The following NHS variants were observed in gnomAD, a reference collection of about 807,000 sequenced individuals.
NHS encodes NHS actin remodeling regulator.
Under a neutral mutation model 72.5 loss-of-function variants are expected in NHS, and 5 were observed. That is an observed-to-expected ratio of 0.07 (90% confidence interval 0.04 to 0.14). The LOEUF is 0.14. NHS is among the 10% of genes least tolerant of loss of function. The probability of loss-of-function intolerance (pLI) is 1.00; values close to 1 mark genes in which losing one functional copy is unlikely to be tolerated. For synonymous variants in NHS, 464 were observed against 547.7 expected, an observed-to-expected ratio of 0.85 and a Z score of 2.13; for missense variants, 1,072 against 1,355.7, an observed-to-expected ratio of 0.79 and a Z score of 3.29.
At chrX:17,720,626 T>G (rs1226960509) in intron 4 of NHS, among the ~76,000 whole-genome samples, 1 of 112,352 alleles carries the variant, frequency 8.9e-6, no homozygotes, top group Non-Finnish European at 1.9e-5. Flanking sequence ...AATATTGATA[T>G]TTATCAAAAG....
intron 1 of NHS, among the ~76,000 whole-genome samples, chrX:17,640,893 T>G (rs1426441879): frequency 1.8e-5 from 2 of 112,327 alleles, no homozygotes; most frequent in Non-Finnish European, 3.8e-5. Flanking sequence ...TACAGGCCCA[T>G]AGTCCCTGCT....
intron 1 of NHS, among the ~76,000 whole-genome samples, chrX:17,434,908 T>C (rs958055790): frequency 9.0e-6 from 1 of 111,498 alleles, no homozygotes; most frequent in Non-Finnish European, 1.9e-5. Context: ...GAGGGCAATG[T>C]GAGGAAAACT....
chrX:17,375,767 G>A lies in NHS; in HGVS notation c.10G>A (p.Ala4Thr). The stretch of plus-strand genomic sequence containing the variant: ...CGCCTGGCTGCGCGGGATGCCTTTC[G>A]CCAAGCGGATCGTGGAGCCGCAATG... MPFAKRIVEPQWLC... is the reference protein window; with the variant it reads MPFTKRIVEPQWLC... The change falls in exon 1 of 9, where the codon GCC becomes ACC. Residue 4 changes from alanine (A) to threonine (T), a missense_variant. Ala to Thr is a moderately conservative substitution (Grantham distance 58). Transcript: ENST00000676302. The A allele has an allele frequency of 8.7e-7, 1 of 1,153,413 alleles. No homozygotes were observed. The highest frequency in any genetic ancestry group is 2.6e-5 in the Admixed American group (1 of 38,788).
intron 1 of NHS, among the ~76,000 whole-genome samples, chrX:17,398,337 A>G (rs2064486458): frequency 8.9e-6 from 1 of 112,060 alleles, no homozygotes; most frequent in Middle Eastern, 4.6e-3. Context: ...CCAGTCCCCC[A>G]TCTTTCCTTG....
At chrX:17,453,741 C>T (rs1355132503) in intron 1 of NHS, among the ~76,000 whole-genome samples, 1 of 112,084 alleles carries the variant, frequency 8.9e-6, no homozygotes, top group Admixed American at 9.5e-5. Context: ...GGTTTGGAAC[C>T]CCTGCTCAAG....
intron 1 of NHS, among the ~76,000 whole-genome samples, chrX:17,607,982 G>A (rs1311455419): frequency 3.0e-5 from 3 of 100,863 alleles, no homozygotes; most frequent in Admixed American, 2.2e-4. Flanking sequence ...TCAGTGGCAC[G>A]ATCATAGCTC....
chrX:17,628,767 T>C (rs929662346), intron 1 of NHS, among the ~76,000 whole-genome samples: 3 of 113,172 alleles, frequency 2.7e-5, no homozygotes, highest in Non-Finnish European at 3.7e-5. Flanking sequence ...TTGGGCAAGT[T>C]GTTTAACCTC....
intron 1 of NHS, among the ~76,000 whole-genome samples, chrX:17,405,033 A>G (rs140871999): frequency 0.014 from 1,543 of 111,690 alleles, 24 homozygotes; most frequent in African/African-American, 0.047. Flanking sequence ...TCTTACCCAC[A>G]TGGAATTCAA....
intron 1 of NHS, among the ~76,000 whole-genome samples, chrX:17,453,034 A>T (rs1214078579): frequency 1.8e-5 from 2 of 112,250 alleles, no homozygotes; most frequent in Non-Finnish European, 3.8e-5. Flanking sequence ...CTTTGAGATT[A>T]TTTAGCTGTA....
intron 1 of NHS, among the ~76,000 whole-genome samples, chrX:17,462,676 C>G (rs1660437115): frequency 8.9e-6 from 1 of 111,879 alleles, no homozygotes; most frequent in African/African-American, 3.3e-5. Flanking sequence ...GAAACCAAAG[C>G]TCCAAGAAGT....
At chrX:17,693,733 G>A (rs761528564) in intron 3 of NHS, among the ~76,000 whole-genome samples, 2 of 112,684 alleles carry the variant, frequency 1.8e-5, no homozygotes, top group Non-Finnish European at 3.7e-5. Context: ...CACACTGAGC[G>A]CCGTGTTGCA....
chrX:17,671,352 C>T (rs781327201), intron 1 of NHS, among the ~76,000 whole-genome samples: 65 of 112,599 alleles, frequency 5.8e-4, no homozygotes, highest in African/African-American at 1.8e-3. Context: ...GCACAATCTT[C>T]ATTTCTGTGG....
Position 17,537,656 on chromosome X carries a change from G to A in NHS, c.566-150086G>A, listed in dbSNP as rs748171247. 2.7e-5 allele frequency among the ~76,000 whole-genome samples: 3 copies of A among 112,364 alleles called. No individual in the cohort carries two copies. In the East Asian group the frequency reaches 8.4e-4, roughly 31 times the overall value. On this transcript the variant is annotated intron_variant, in intron 1 of 8. Transcript: ENST00000676302. ...AGTCAAGTAGGAAATGTGGTGTCTG[G>A]CCTAGCAGTGACAGGAGACTATGTT...
At chrX:17,655,877 C>T (rs1214194369) in intron 1 of NHS, among the ~76,000 whole-genome samples, 1 of 113,265 alleles carries the variant, frequency 8.8e-6, no homozygotes. Context: ...AGTCGACTTC[C>T]TCATCAGAAG....
intron 1 of NHS, among the ~76,000 whole-genome samples, chrX:17,424,783 G>T (rs926902919): frequency 1.8e-5 from 2 of 112,238 alleles, no homozygotes; most frequent in African/African-American, 6.5e-5. Context: ...ATATGCTAAG[G>T]ATAAACCAGA....
chrX:17,657,228 C>T (rs1287381327), intron 1 of NHS, among the ~76,000 whole-genome samples: 1 of 112,653 alleles, frequency 8.9e-6, no homozygotes, highest in African/African-American at 3.2e-5. Flanking sequence ...AGAGCAACAC[C>T]CTTCCTCACC....
At chrX:17,543,906 G>A (rs941583309) in intron 1 of NHS, among the ~76,000 whole-genome samples, 9 of 112,022 alleles carry the variant, frequency 8.0e-5, no homozygotes, top group Non-Finnish European at 1.5e-4. Context: ...CCAAAATGAA[G>A]ATAAAGAGAT....
intron 1 of NHS, among the ~76,000 whole-genome samples, chrX:17,539,224 G>C (rs1423145030): frequency 9.0e-6 from 1 of 111,235 alleles, no homozygotes; most frequent in Non-Finnish European, 1.9e-5. Flanking sequence ...CTCTTTAGGA[G>C]AGAGTCATAT....
At chrX:17,532,407 G>T (rs754662064) in intron 1 of NHS, among the ~76,000 whole-genome samples, 1 of 111,334 alleles carries the variant, frequency 9.0e-6, no homozygotes, top group Non-Finnish European at 1.9e-5. Context: ...TTGAAGGGAG[G>T]AAAAGCAGAT....
Sources: allele counts gnomAD v4.1 joint callset (sites outside exome capture counted in the v4.1 genomes callset), GRCh38; gene constraint gnomAD v4.1.1; transcripts MANE v1.5; gene names NCBI Gene and HGNC (gene_info 2026-07-23, HGNC 2026-07-21).